The following PTPN4 variants were observed in gnomAD, a reference collection of about 807,000 sequenced individuals.
PTPN4 encodes tyrosine-protein phosphatase non-receptor type 4.
PTPN4 carries 49 observed loss-of-function variants against 135.5 expected under a neutral mutation model. The observed-to-expected ratio is 0.36, with a 90% CI of 0.29 to 0.46. The LOEUF (loss-of-function observed/expected upper bound fraction) is 0.46, where lower values mean the gene tolerates loss of function less well. Among genes scored for constraint, PTPN4 ranks in the 20% least tolerant of loss-of-function variants. The pLI is 1.00. For synonymous variants in PTPN4, 333 were observed against 369.9 expected (o/e 0.90, Z 1.14); for missense variants, 860 against 1,101.0 (o/e 0.78, Z 3.10).
chr2:119,882,172 G>C, intron 7 of PTPN4, 23 bp downstream of exon 7: 1 of 1,580,606 alleles, frequency 6.3e-7, no homozygotes. Flanking sequence ...CCATTTTTAG[G>C]TCAAATAGCA....
chr2:119,874,408 G>A (rs1035998367), intron 3 of PTPN4, among the ~76,000 whole-genome samples: 4 of 152,064 alleles, frequency 2.6e-5, no homozygotes, highest in African/African-American at 7.2e-5. Context: ...CATAATAGTC[G>A]AAAAGTAGAC....
At chr2:119,920,405 A>C (rs901388902) in intron 12 of PTPN4, among the ~76,000 whole-genome samples, 164 bp downstream of exon 12, 1 of 152,110 alleles carries the variant, frequency 6.6e-6, no homozygotes, top group Non-Finnish European at 1.5e-5. Context: ...AAAAAGTTCT[A>C]TAGGTTCTTG....
At chr2:119,930,974 A>G (rs923662030) in intron 13 of PTPN4, among the ~76,000 whole-genome samples, 1 of 152,090 alleles carries the variant, frequency 6.6e-6, no homozygotes, top group African/African-American at 2.4e-5. Flanking sequence ...AAGTCACACA[A>G]CAAAGGCCTA....
intron 10 of PTPN4, among the ~76,000 whole-genome samples, chr2:119,913,689 C>T (rs1341815302): frequency 6.6e-6 from 1 of 152,034 alleles, no homozygotes; most frequent in African/African-American, 2.4e-5. Context: ...ATTGTAAAAC[C>T]TCTGATGTCA....
chr2:119,941,046 C>G (rs996853284), intron 15 of PTPN4, among the ~76,000 whole-genome samples: 1 of 152,082 alleles, frequency 6.6e-6, no homozygotes, highest in Non-Finnish European at 1.5e-5. Flanking sequence ...CACTATGCTG[C>G]CTGGTTATTC....
In PTPN4 at chr2:119,960,907, G is replaced by GC. The variant is rs1384913673; in HGVS notation, c.2235dup (p.Ser746LeufsTer12). 1 of 1,613,826 alleles carries GC rather than the reference G, an allele frequency of 6.2e-7. No individual in the cohort carries two copies. Among genetic ancestry groups the GC allele is most frequent in the African/African-American group, 1.3e-5 (1 of 74,902 alleles). ...TTTTGGCAGATGACTTGGGAACAAG[G>GC]CTCCTCTATGGTTGTAATGTTGACC... is the stretch of plus-strand genomic sequence containing the variant. On this transcript the variant is annotated frameshift_variant, in exon 23 of 27. Transcript: ENST00000263708. LOFTEE classifies it high-confidence loss of function.
At chr2:119,964,200 G>T (rs1361149204) in intron 24 of PTPN4, among the ~76,000 whole-genome samples, 3 of 152,180 alleles carry the variant, frequency 2.0e-5, no homozygotes, top group African/African-American at 4.8e-5. Context: ...AGCTGATGGG[G>T]TGATTTACAG....
intron 15 of PTPN4, 91 bp from the exon 16 acceptor site, chr2:119,944,990 T>C: frequency 8.3e-7 from 1 of 1,197,964 alleles, no homozygotes; most frequent in Non-Finnish European, 1.1e-6. Flanking sequence ...TTAGAGCCTG[T>C]CTCCTACCAG....
intron 1 of PTPN4, 35 bp downstream of exon 1, chr2:119,760,419 C>T (rs977649106): frequency 5.2e-6 from 2 of 388,034 alleles, no homozygotes; most frequent in Non-Finnish European, 9.1e-6. Context: ...GGCCTCTCGG[C>T]CCTGCACGTT....
At chr2:119,793,644 G>A (rs898292532) in intron 1 of PTPN4, among the ~76,000 whole-genome samples, 8 of 151,964 alleles carry the variant, frequency 5.3e-5, no homozygotes, top group Admixed American at 3.3e-4. Context: ...TATTAAAGTC[G>A]GGCGTAAGAA....
At position 119,921,788 on chromosome 2, in the gene PTPN4, G is replaced by T. The variant is rs142597057; in HGVS notation, c.1001+1547G>T. On this transcript the variant is annotated intron_variant, in intron 12 of 26. Transcript: ENST00000263708. ...TTAATAAATCTCAGCAAGGACAGAA[G>T]AAATCTCCACGGCTTTATGTGAAAT... is the stretch of plus-strand genomic sequence containing the variant. Among the ~76,000 whole-genome samples the T allele has an allele frequency of 2.0e-5, 3 of 152,220 alleles. No homozygotes were observed. The East Asian group carries it at 5.8e-4, about 29-fold the overall frequency.
chr2:119,800,604 A>G (rs2104942037), intron 1 of PTPN4, among the ~76,000 whole-genome samples: 1 of 151,668 alleles, frequency 6.6e-6, no homozygotes, highest in Admixed American at 6.6e-5. Flanking sequence ...GTTTTTATGA[A>G]TCATGCTTTT....
At chr2:119,844,790 C>A (rs1455039440) in intron 2 of PTPN4, among the ~76,000 whole-genome samples, 2 of 143,410 alleles carry the variant, frequency 1.4e-5, no homozygotes, top group East Asian at 2.0e-4. Flanking sequence ...GGCAGAGGGG[C>A]TCCTCACATC....
intron 1 of PTPN4, among the ~76,000 whole-genome samples, chr2:119,760,733 CTT>C (rs59953430): frequency 1.8e-4 from 14 of 79,908 alleles, no homozygotes; most frequent in African/African-American, 5.6e-4. Flanking sequence ...GGTAGAATTC[CTT>C]TTTTTTTTTT....
chr2:119,789,550 T>C (rs1270576069), intron 1 of PTPN4, among the ~76,000 whole-genome samples: 1 of 152,192 alleles, frequency 6.6e-6, no homozygotes, highest in African/African-American at 2.4e-5. Context: ...GAGTTGTGTA[T>C]GCAGGGGTTT....
chr2:119,790,621 G>T lies in PTPN4; in HGVS notation c.-17-19216G>T, dbSNP rs568717480. 1.8e-4 allele frequency among the ~76,000 whole-genome samples: 27 copies of T among 151,996 alleles called. No individual in the cohort carries two copies. In the South Asian group the frequency reaches 5.6e-3, roughly 32 times the overall value. ...GTAGAGAGCATATAATTGGAGCAGGGTTTTAAAAATCCATTCTGCTCATCT... is the reference window on the plus strand; with the variant it reads ...GTAGAGAGCATATAATTGGAGCAGGTTTTTAAAAATCCATTCTGCTCATCT... On this transcript the variant is annotated intron_variant, in intron 1 of 26. Transcript: ENST00000263708.
intron 26 of PTPN4, among the ~76,000 whole-genome samples, chr2:119,970,700 G>A (rs966162275): frequency 7.2e-5 from 11 of 152,006 alleles, no homozygotes; most frequent in African/African-American, 1.9e-4. Context: ...TTGTTCATCC[G>A]TTAATCTGTT....
intron 1 of PTPN4, among the ~76,000 whole-genome samples, chr2:119,770,045 C>T (rs1278479639): frequency 6.6e-6 from 1 of 152,126 alleles, no homozygotes. Flanking sequence ...TTAAAAATTA[C>T]GTCCAAAATT....
chr2:119,877,522 G>A lies in PTPN4; in HGVS notation c.348G>A (p.Lys116=), dbSNP rs752210640. The part of the protein sequence containing the change: ...RVKFFVSDPN[K]LQEEYTRYQY... ...AATTTTTTGTAAGTGACCCCAACAA[G>A]TTACAAGAAGAATATACAAGGTGGG... Residue 116 remains lysine (K), a synonymous_variant, in exon 5 of 27, where the codon AAG becomes AAA. Coordinates refer to ENST00000263708, the MANE Select transcript of PTPN4 (RefSeq NM_002830.4). 1 of 1,609,052 alleles carries A rather than the reference G, an allele frequency of 6.2e-7. No homozygotes were observed. Among genetic ancestry groups the A allele is most frequent in the Non-Finnish European group, 8.5e-7 (1 of 1,178,370 alleles).
Sources: gnomAD v4.1 joint callset for allele counts (sites outside exome capture counted in the v4.1 genomes callset) on GRCh38, gnomAD v4.1.1 for gene constraint, MANE v1.5 for transcripts, NCBI Gene and HGNC (gene_info 2026-07-23, HGNC 2026-07-21) for gene names.